The following CSMD1 variants were observed in gnomAD, a reference collection of about 807,000 sequenced individuals.
The protein encoded by CSMD1 is CUB and sushi domain-containing protein 1.
A neutral mutation model predicts 417.5 loss-of-function variants in CSMD1; 213 were observed. The observed-to-expected ratio is 0.51, with a 90% CI of 0.46 to 0.57. CSMD1 has a LOEUF of 0.57. Among genes scored for constraint, CSMD1 ranks in the 20% least tolerant of loss-of-function variants. The pLI, the probability that CSMD1 is intolerant of heterozygous loss-of-function variation, is 0.00. For synonymous variants in CSMD1, 2,862 were observed against 1,736.8 expected (o/e 1.65, Z -16.11); for missense variants, 6,923 against 4,529.7 (o/e 1.53, Z -15.17).
chr8:4,603,485 T>A (rs1233993261), intron 2 of CSMD1, among the ~76,000 whole-genome samples: 1 of 152,008 alleles, frequency 6.6e-6, no homozygotes, highest in African/African-American at 2.4e-5. Flanking sequence ...CCATAAATAA[T>A]AAAGGTAAGT....
At chr8:3,695,087 C>CGTGTGT (rs1276176981) in intron 7 of CSMD1, among the ~76,000 whole-genome samples, 9,963 of 145,518 alleles carry the variant, frequency 0.068, 747 homozygotes, top group African/African-American at 0.19. Context: ...GGAGGCCCTG[C>CGTGTGT]GTGTGTGTGT....
At position 4,452,354 on chromosome 8, in the gene CSMD1, G is replaced by C. The variant is rs560119591; in HGVS notation, c.303-32289C>G. Among the ~76,000 whole-genome samples, 21 of 152,254 alleles carry C rather than the reference G, an allele frequency of 1.4e-4. No homozygotes were observed. The South Asian group carries it at 3.7e-3, about 27-fold the overall frequency. On this transcript the variant is annotated intron_variant, in intron 2 of 69. Transcript: ENST00000635120. ...CAATGGCTCTAAACAAATTCCACTGGGGTGACAAGTACAATACAAAGGCGT... is the reference window on the plus strand; with the variant it reads ...CAATGGCTCTAAACAAATTCCACTGCGGTGACAAGTACAATACAAAGGCGT...
At chr8:3,392,015 C>G (rs1159189743) in intron 17 of CSMD1, among the ~76,000 whole-genome samples, 3 of 149,052 alleles carry the variant, frequency 2.0e-5, no homozygotes, top group South Asian at 2.1e-4. Flanking sequence ...GACAAAAAAC[C>G]AAACACCTCA....
chr8:3,269,678 C>G (rs969091104), intron 26 of CSMD1, among the ~76,000 whole-genome samples: 7 of 152,136 alleles, frequency 4.6e-5, no homozygotes. Flanking sequence ...TTATTTAACC[C>G]CCAGAGTAAA....
intron 27 of CSMD1, among the ~76,000 whole-genome samples, chr8:3,225,698 T>C (rs1798463947): frequency 6.6e-6 from 1 of 152,210 alleles, no homozygotes; most frequent in Non-Finnish European, 1.5e-5. Flanking sequence ...GGGGAAACCC[T>C]GTCTTATTCA....
At chr8:3,424,917 C>G (rs1813727787) in intron 12 of CSMD1, among the ~76,000 whole-genome samples, 1 of 152,218 alleles carries the variant, frequency 6.6e-6, no homozygotes, top group African/African-American at 2.4e-5. Flanking sequence ...TCACTATGAT[C>G]TCAGGCTCCT....
intron 3 of CSMD1, among the ~76,000 whole-genome samples, chr8:4,199,791 T>C (rs950465492): frequency 1.3e-5 from 2 of 152,150 alleles, no homozygotes; most frequent in Non-Finnish European, 2.9e-5. Context: ...GCTGTTTAGA[T>C]AGAAAATCGG....
chr8:4,219,124 T>G (rs1038806695), intron 3 of CSMD1, among the ~76,000 whole-genome samples: 4 of 152,166 alleles, frequency 2.6e-5, no homozygotes, highest in African/African-American at 4.8e-5. Context: ...AGACCCAGCC[T>G]CCTTTCATCT....
rs550834735 is a variant in CSMD1 at position 3,256,302 on chromosome 8, G to C, written c.4154-26071C>G. On this transcript the variant is annotated intron_variant, in intron 26 of 69. Coordinates refer to ENST00000635120, the MANE Select transcript of CSMD1 (RefSeq NM_033225.6). The stretch of plus-strand genomic sequence containing the variant: ...ATATTGTTTGACAGAGCAAGACTAA[G>C]TCTCAAGAAAAAAAAAAAAAAAAGA... Among the ~76,000 whole-genome samples, 423 of 99,850 alleles carry C rather than the reference G, an allele frequency of 4.2e-3. 2 individuals are homozygous for C. The highest frequency in any genetic ancestry group is 0.015 in the African/African-American group (402 of 26,712). The allele number at this position is 99,850 out of a possible 152,430, so 65.5% of individuals were successfully genotyped here.
chr8:4,068,976 A>C (rs1358561351), intron 3 of CSMD1, among the ~76,000 whole-genome samples: 1 of 152,206 alleles, frequency 6.6e-6, no homozygotes, highest in Non-Finnish European at 1.5e-5. Flanking sequence ...TCCTTTGTTC[A>C]AACGTTGAAT....
At chr8:3,646,321 A>G (rs1470036420) in intron 7 of CSMD1, among the ~76,000 whole-genome samples, 1 of 152,204 alleles carries the variant, frequency 6.6e-6, no homozygotes, top group East Asian at 1.9e-4. Context: ...ACTAAAATAT[A>G]GAAGATATTA....
intron 5 of CSMD1, among the ~76,000 whole-genome samples, chr8:3,984,484 A>C (rs899070195): frequency 6.6e-6 from 1 of 152,028 alleles, no homozygotes; most frequent in Non-Finnish European, 1.5e-5. Context: ...GCAGCATTAA[A>C]TAATGACTAG....
intron 3 of CSMD1, among the ~76,000 whole-genome samples, chr8:4,234,180 G>T (rs142034687): frequency 3.5e-4 from 54 of 152,268 alleles, no homozygotes; most frequent in African/African-American, 1.1e-3. Flanking sequence ...GTTAACTCTT[G>T]ACTTAGACCA....
rs575129277 is a variant in CSMD1 at position 4,874,295 on chromosome 8, C to G, written c.85+120037G>C. Among the ~76,000 whole-genome samples, 32 of 151,656 alleles carry G rather than the reference C, an allele frequency of 2.1e-4. No individual in the cohort carries two copies. The South Asian group carries it at 4.8e-3, about 23-fold the overall frequency. On this transcript the variant is annotated intron_variant, in intron 1 of 69. Transcript: ENST00000635120. ...AAATCGCATTCTAAAATCTAAATTT[C>G]TATTTATCAATTAGTTTATTTTAAT...
At chr8:4,263,959 G>C (rs1462951543) in intron 3 of CSMD1, among the ~76,000 whole-genome samples, 1 of 152,134 alleles carries the variant, frequency 6.6e-6, no homozygotes, top group East Asian at 1.9e-4. Context: ...ATTTGTCATA[G>C]CAGAAGAATC....
At chr8:4,217,808 G>C (rs555369926) in intron 3 of CSMD1, among the ~76,000 whole-genome samples, 1 of 152,094 alleles carries the variant, frequency 6.6e-6, no homozygotes, top group Non-Finnish European at 1.5e-5. Context: ...GTATGAGGTC[G>C]ATCACCCTCT....
chr8:3,409,530 C>G lies in CSMD1; in HGVS notation c.1637G>C (p.Gly546Ala). 1.9e-6 allele frequency: 3 copies of G among 1,611,360 alleles called. No individual in the cohort carries two copies. Among genetic ancestry groups the G allele is most frequent in the South Asian group, 2.2e-5 (2 of 90,284 alleles). Residue 546 changes from glycine to alanine, a missense_variant, in exon 13 of 70, where the codon GGA becomes GCA. Physicochemically the swap from Gly to Ala is moderately conservative, Grantham distance 60. Coordinates refer to ENST00000635120, the MANE Select transcript of CSMD1 (RefSeq NM_033225.6). ...GKRTGSSFLH[G>A]DTLTFECPAA... ...CGGGCATTCAAAGGTGAGTGTATCT[C>G]CATGGAGGAAACTGCTGCCCGTCCG...
chr8:3,890,188 T>C (rs1030951173), intron 5 of CSMD1, among the ~76,000 whole-genome samples: 3 of 152,190 alleles, frequency 2.0e-5, no homozygotes, highest in African/African-American at 7.2e-5. Context: ...AAGTATCATA[T>C]TCCCTAAGAA....
chr8:3,813,725 G>C (rs1336786923), intron 5 of CSMD1, among the ~76,000 whole-genome samples: 1 of 152,054 alleles, frequency 6.6e-6, no homozygotes, highest in Non-Finnish European at 1.5e-5. Flanking sequence ...ATACCAAATG[G>C]TCCATGGTCC....
Sources: gnomAD v4.1 joint callset for allele counts (sites outside exome capture counted in the v4.1 genomes callset) on GRCh38, gnomAD v4.1.1 for gene constraint, MANE v1.5 for transcripts, NCBI Gene and HGNC (gene_info 2026-07-23, HGNC 2026-07-21) for gene names.